Variants in AFF3 observed in about 807,000 individuals in gnomAD.
AFF3 encodes AF4/FMR2 family member 3.
A neutral mutation model predicts 129.7 loss-of-function variants in AFF3; 32 were observed. That is an observed-to-expected ratio of 0.25 (90% CI 0.19 to 0.33). The LOEUF (loss-of-function observed/expected upper bound fraction) is 0.33, where lower values mean the gene tolerates loss of function less well. Ranked by LOEUF, AFF3 falls within the 10% of genes least tolerant of loss-of-function variation. The probability of loss-of-function intolerance (pLI) is 1.00; values close to 1 mark genes in which losing one functional copy is unlikely to be tolerated. For synonymous variants in AFF3, 644 were observed against 635.4 expected (o/e 1.01, Z -0.20); for missense variants, 1,373 against 1,592.0 (o/e 0.86, Z 2.34).
At chr2:99,568,684 A>C (rs1461532421) in intron 19 of AFF3, among the ~76,000 whole-genome samples, 168 bp downstream of exon 19, 3 of 152,208 alleles carry the variant, frequency 2.0e-5, no homozygotes, top group Non-Finnish European at 4.4e-5. Context: ...GGTTGAAGTC[A>C]TACTTTATTG....
intron 4 of AFF3, among the ~76,000 whole-genome samples, chr2:100,060,707 C>A (rs1687201827): frequency 6.6e-6 from 1 of 152,136 alleles, no homozygotes; most frequent in Non-Finnish European, 1.5e-5. Flanking sequence ...CCCCTGGATA[C>A]CCCTCACTTG....
chr2:99,862,540 A>C (rs994484870), intron 7 of AFF3, among the ~76,000 whole-genome samples: 1 of 152,248 alleles, frequency 6.6e-6, no homozygotes, highest in African/African-American at 2.4e-5. Context: ...ATAATGCCCC[A>C]CATCACTAGG....
In AFF3 at chr2:99,691,222, C is replaced by T. The variant is rs369469242; in HGVS notation, c.1092-18633G>A. On this transcript the variant is annotated intron_variant, in intron 11 of 24. Coordinates refer to ENST00000672756, the MANE Select transcript of AFF3 (RefSeq NM_001386135.1). ...TGGATTACCAAGGCTGGACCCAAACCAGGCTGTGCTCAGTCACTGCTCATT... is the reference window on the plus strand; with the variant it reads ...TGGATTACCAAGGCTGGACCCAAACTAGGCTGTGCTCAGTCACTGCTCATT... Among the ~76,000 whole-genome samples the T allele has an allele frequency of 1.3e-4, 20 of 152,288 alleles. 1 individual carries two copies. In the South Asian group the frequency reaches 1.7e-3, roughly 13 times the overall value.
At chr2:100,108,254 G>A (rs758716617) in intron 2 of AFF3, among the ~76,000 whole-genome samples, 3 of 152,168 alleles carry the variant, frequency 2.0e-5, no homozygotes, top group African/African-American at 4.8e-5. Flanking sequence ...CCAGGACAGC[G>A]TAGATTTTAG....
chr2:99,892,569 G>A (rs1693651165), intron 7 of AFF3, among the ~76,000 whole-genome samples: 1 of 152,134 alleles, frequency 6.6e-6, no homozygotes, highest in South Asian at 2.1e-4. Context: ...GCCTCTGAAA[G>A]AAAGCAGGCC....
rs769908112 is a variant in AFF3, at chr2:99,718,753, AT to A, written c.1091+8323del. Among the ~76,000 whole-genome samples, 796 of 143,062 alleles carry A rather than the reference AT, an allele frequency of 5.6e-3. 5 individuals are homozygous for A. Among genetic ancestry groups the A allele is most frequent in the African/African-American group, 0.017 (647 of 39,066 alleles). 93.9% of individuals were successfully genotyped at this position (143,062 alleles called of 152,430 possible). ...TATGAATTTAGCAGTAGGTTTTTCA[AT>A]TTTTTTTTTTTTTTCAGAAGGAGTC... is the stretch of plus-strand genomic sequence containing the variant. On this transcript the variant is annotated intron_variant, in intron 11 of 24. Transcript: ENST00000672756.
At chr2:99,955,078 C>T (rs1676516719) in intron 7 of AFF3, among the ~76,000 whole-genome samples, 1 of 151,896 alleles carries the variant, frequency 6.6e-6, no homozygotes, top group Non-Finnish European at 1.5e-5. Flanking sequence ...TTCCACATAA[C>T]ACAAATCCTG....
intron 7 of AFF3, among the ~76,000 whole-genome samples, chr2:99,901,662 G>A (rs1694352314): frequency 6.6e-6 from 1 of 152,082 alleles, no homozygotes; most frequent in South Asian, 2.1e-4. Context: ...ATCTTCTCTG[G>A]AGACTCCTCT....
intron 2 of AFF3, among the ~76,000 whole-genome samples, chr2:100,117,553 A>G (rs998957094): frequency 6.6e-6 from 1 of 152,178 alleles, no homozygotes; most frequent in Non-Finnish European, 1.5e-5. Context: ...GATTGTAAGC[A>G]TAGTTATCTT....
chr2:99,619,859 C>A (rs921611328), intron 13 of AFF3, among the ~76,000 whole-genome samples: 4 of 152,192 alleles, frequency 2.6e-5, no homozygotes, highest in Non-Finnish European at 5.9e-5. Context: ...ACGCCCATGA[C>A]TAAGCCAGTT....
Position 99,554,700 on chromosome 2 carries a change from C to T in AFF3, c.3318G>A (p.Pro1106=), listed in dbSNP as rs147667483. The T allele has an allele frequency of 3.3e-5, 53 of 1,614,222 alleles. No individual in the cohort carries two copies. In the Admixed American group the frequency reaches 6.3e-4, roughly 19 times the overall value. Residue 1106 remains proline, a synonymous_variant, in exon 23 of 25, where the codon CCG becomes CCA. Coordinates refer to ENST00000672756, the MANE Select transcript of AFF3 (RefSeq NM_001386135.1). The stretch of plus-strand genomic sequence containing the variant: ...GAACTTACTTTCCACTGGCCCCCCA[C>T]GGAGATGGGGCTTGGGCGGCTTTAG... ...NSSKAAQAPS[P]WGASGKSTGT...
At chr2:99,726,969 G>A in intron 11 of AFF3, 108 bp downstream of exon 11, 1 of 995,318 alleles carries the variant, frequency 1.0e-6, no homozygotes, top group South Asian at 1.7e-5. Flanking sequence ...AGAGAACCAT[G>A]GGCTTCCTTC....
At position 99,823,269 on chromosome 2, in the gene AFF3, G is replaced by A. The variant is rs560778373; in HGVS notation, c.921+14208C>T. Among the ~76,000 whole-genome samples, 5 of 100,766 alleles carry A rather than the reference G, an allele frequency of 5.0e-5. 1 individual carries two copies. The highest frequency in any genetic ancestry group is 7.8e-5 in the African/African-American group (2 of 25,804). The allele number at this position is 100,766 out of a possible 152,430, so 66.1% of individuals were successfully genotyped here. ...CCTATCCTTCCCCAACCCCCCGCCC[G>A]CCCCAAGCATGCACTGTTAAACTGA... On this transcript the variant is annotated intron_variant, in intron 8 of 24. Transcript: ENST00000672756.
chr2:99,875,633 G>C (rs1692233745), intron 7 of AFF3, among the ~76,000 whole-genome samples: 1 of 152,102 alleles, frequency 6.6e-6, no homozygotes, highest in African/African-American at 2.4e-5. Flanking sequence ...CCTCCACCAG[G>C]GGTACCGGGC....
At chr2:99,949,758 C>T (rs1413985838) in intron 7 of AFF3, among the ~76,000 whole-genome samples, 3 of 152,244 alleles carry the variant, frequency 2.0e-5, no homozygotes, top group Admixed American at 6.5e-5. Flanking sequence ...GCTTTGCTCA[C>T]TTGCCAGCTA....
chr2:99,760,742 G>C (rs1384006720), intron 8 of AFF3, among the ~76,000 whole-genome samples: 2 of 152,090 alleles, frequency 1.3e-5, no homozygotes, highest in East Asian at 3.9e-4. Context: ...AATGTTTAAA[G>C]CCACTTACTC....
intron 4 of AFF3, among the ~76,000 whole-genome samples, chr2:100,078,447 T>C (rs1013362492): frequency 4.6e-5 from 7 of 152,212 alleles, no homozygotes; most frequent in Non-Finnish European, 8.8e-5. Context: ...ATTATTTCAA[T>C]CCTTTCAGAG....
intron 1 of AFF3, among the ~76,000 whole-genome samples, chr2:100,131,412 T>C (rs749975477): frequency 2.0e-4 from 30 of 152,160 alleles, no homozygotes; most frequent in Non-Finnish European, 3.7e-4. Context: ...ACCCCAGGGA[T>C]CTAGGGATGA....
At chr2:100,017,798 G>A (rs1485439565) in intron 4 of AFF3, among the ~76,000 whole-genome samples, 1 of 152,164 alleles carries the variant, frequency 6.6e-6, no homozygotes, top group South Asian at 2.1e-4. Flanking sequence ...ACCAGTAAGC[G>A]ACATCACTTA....
Sources: allele counts gnomAD v4.1 joint callset (sites outside exome capture counted in the v4.1 genomes callset), GRCh38; gene constraint gnomAD v4.1.1; transcripts MANE v1.5; gene names NCBI Gene and HGNC (gene_info 2026-07-23, HGNC 2026-07-21).